The following VTI1A variants were observed in gnomAD, a reference collection of about 807,000 sequenced individuals.
VTI1A encodes vesicle transport through interaction with t-SNAREs homolog 1A.
Under a neutral mutation model 34.9 loss-of-function variants are expected in VTI1A, and 22 were observed. That is an observed-to-expected ratio of 0.63 (90% CI 0.45 to 0.90). The LOEUF (loss-of-function observed/expected upper bound fraction) is 0.90. Among genes scored for constraint, VTI1A ranks in the 40% least tolerant of loss-of-function variants. The pLI, the probability that VTI1A is intolerant of heterozygous loss-of-function variation, is 0.00. For missense variants in VTI1A, 268 were observed against 275.6 expected, an observed-to-expected ratio of 0.97 and a Z score of 0.20; for synonymous variants, 87 against 97.3, an observed-to-expected ratio of 0.89 and a Z score of 0.62.
chr10:112,665,323 C>T (rs1451374905), intron 5 of VTI1A, among the ~76,000 whole-genome samples: 1 of 147,358 alleles, frequency 6.8e-6, no homozygotes, highest in East Asian at 2.0e-4. Context: ...AAAAAGCCCA[C>T]ATAAGTTTAT....
intron 7 of VTI1A, among the ~76,000 whole-genome samples, chr10:112,810,401 CAAAA>C (rs55966805): frequency 2.2e-5 from 2 of 89,390 alleles, no homozygotes; most frequent in Non-Finnish European, 2.3e-5. Context: ...GACTCCATCT[CAAAA>C]AAAAAAAAAA....
At chr10:112,493,968 T>C (rs543821378) in intron 3 of VTI1A, among the ~76,000 whole-genome samples, 280 of 152,296 alleles carry the variant, frequency 1.8e-3, no homozygotes, top group Non-Finnish European at 3.2e-3. Flanking sequence ...AATGCTAGTC[T>C]CATAGAACAA....
chr10:112,718,897 G>A (rs1415602411), intron 7 of VTI1A, among the ~76,000 whole-genome samples: 1 of 152,200 alleles, frequency 6.6e-6, no homozygotes, highest in Non-Finnish European at 1.5e-5. Flanking sequence ...CGACTGCACT[G>A]TAATGAAGAA....
At position 112,499,368 on chromosome 10, in the gene VTI1A, C is replaced by T. The variant is rs144527289; in HGVS notation, c.265-27719C>T. ...TCCCTGGGTCTCTGTTCTGAATCTC[C>T]ATTGGATTCTCTTTTTCTGCTTTCA... On this transcript the variant is annotated intron_variant, in intron 3 of 7. Transcript: ENST00000393077. 2.2e-3 allele frequency among the ~76,000 whole-genome samples: 329 copies of T among 152,202 alleles called. 2 individuals carry two copies. Among genetic ancestry groups the T allele is most frequent in the African/African-American group, 7.7e-3 (320 of 41,526 alleles).
chr10:112,690,885 T>C (rs2133879313), intron 7 of VTI1A, among the ~76,000 whole-genome samples: 1 of 152,254 alleles, frequency 6.6e-6, no homozygotes, highest in South Asian at 2.1e-4. Flanking sequence ...TTTTAAAACA[T>C]AGGTCCTGCC....
intron 7 of VTI1A, chr10:112,737,785 T>C (rs762685998): frequency 2.8e-6 from 3 of 1,057,586 alleles, no homozygotes; most frequent in Non-Finnish European, 3.4e-6. Context: ...AAAAAAAAAA[T>C]TACAAATTGA....
chr10:112,829,499 C>T, the VTI1A span, among the ~76,000 whole-genome samples: 2 of 151,190 alleles, frequency 1.3e-5, no homozygotes, highest in African/African-American at 4.9e-5. Flanking sequence ...GCCTATAATC[C>T]CAGCCATTTG....
At chr10:112,616,376 A>G (rs1845514764) in intron 5 of VTI1A, among the ~76,000 whole-genome samples, 1 of 152,196 alleles carries the variant, frequency 6.6e-6, no homozygotes, top group South Asian at 2.1e-4. Context: ...TCTTCTATTT[A>G]GCCAGTACAC....
At chr10:112,804,406 T>C (rs913293145) in intron 7 of VTI1A, among the ~76,000 whole-genome samples, 9 of 152,210 alleles carry the variant, frequency 5.9e-5, no homozygotes. Flanking sequence ...TCACCTTTCC[T>C]GAAATACCAT....
chr10:112,776,590 A>G (rs1851962018), intron 7 of VTI1A, among the ~76,000 whole-genome samples: 1 of 152,050 alleles, frequency 6.6e-6, no homozygotes, highest in Non-Finnish European at 1.5e-5. Context: ...CTCATCCCCC[A>G]GGATGCATTT....
chr10:112,523,400 T>C (rs1850101272), intron 3 of VTI1A, among the ~76,000 whole-genome samples: 1 of 152,124 alleles, frequency 6.6e-6, no homozygotes, highest in Non-Finnish European at 1.5e-5. Context: ...TCTAACTTCT[T>C]AGAGGTAACA....
chr10:112,853,594 C>G, the VTI1A span, among the ~76,000 whole-genome samples: 626 of 152,294 alleles, frequency 4.1e-3, 1 homozygote, highest in African/African-American at 0.013. Context: ...TGGCAAACAT[C>G]GATGGTCAAG....
chr10:112,748,969 A>G (rs1047600549), intron 7 of VTI1A, among the ~76,000 whole-genome samples: 4 of 152,162 alleles, frequency 2.6e-5, no homozygotes, highest in African/African-American at 9.7e-5. Flanking sequence ...TATTCTTATC[A>G]AAACCTTGGA....
In VTI1A at chr10:112,461,942, G is replaced by A. The variant is rs564750891; in HGVS notation, c.153+1360G>A. On this transcript the variant is annotated intron_variant, in intron 2 of 7. Transcript: ENST00000393077. ...TGTTAGCCAGGCTGGTCTTGAACTC[G>A]TGCCCTCAAGTGATCTGCCCGCCTT... is the stretch of plus-strand genomic sequence containing the variant. Among the ~76,000 whole-genome samples the A allele has an allele frequency of 1.2e-4, 18 of 152,228 alleles. No homozygotes were observed. The East Asian group carries it at 1.9e-3, about 16-fold the overall frequency.
At chr10:112,855,127 G>A in the VTI1A span, among the ~76,000 whole-genome samples, 3 of 151,976 alleles carry the variant, frequency 2.0e-5, no homozygotes, top group African/African-American at 7.3e-5. Flanking sequence ...TGGGAAGCTC[G>A]ACCCGGGATG....
intron 7 of VTI1A, among the ~76,000 whole-genome samples, chr10:112,729,481 A>G (rs910782092): frequency 1.2e-4 from 18 of 152,196 alleles, no homozygotes; most frequent in African/African-American, 3.4e-4. Flanking sequence ...AACAATCCCC[A>G]CAAATAGGAA....
intron 7 of VTI1A, among the ~76,000 whole-genome samples, chr10:112,762,297 A>T (rs193027688): frequency 2.0e-5 from 3 of 152,346 alleles, no homozygotes; most frequent in Admixed American, 2.0e-4. Flanking sequence ...GGGCCAAAAA[A>T]GAACAAAAAA....
At chr10:112,843,193 A>T in the VTI1A span, among the ~76,000 whole-genome samples, 3 of 152,214 alleles carry the variant, frequency 2.0e-5, no homozygotes, top group African/African-American at 7.2e-5. Flanking sequence ...GGCTGACTCT[A>T]ATGTGAAGCT....
At chr10:112,614,993 G>A (rs1309426901) in intron 5 of VTI1A, among the ~76,000 whole-genome samples, 1 of 152,064 alleles carries the variant, frequency 6.6e-6, no homozygotes, top group Non-Finnish European at 1.5e-5. Flanking sequence ...CAAGGAAAGG[G>A]ATGGAGTACA....
Sources: gnomAD v4.1 joint callset for allele counts (sites outside exome capture counted in the v4.1 genomes callset) on GRCh38, gnomAD v4.1.1 for gene constraint, MANE v1.5 for transcripts, NCBI Gene and HGNC (gene_info 2026-07-23, HGNC 2026-07-21) for gene names.